The following ACP3 variants were observed in gnomAD, a reference collection of about 807,000 sequenced individuals.
ACP3 encodes prostatic acid phosphatase.
ACP3 carries 38 observed loss-of-function variants against 45.6 expected under a neutral mutation model. The observed-to-expected ratio is 0.83, with a 90% CI of 0.64 to 1.09. ACP3 has a LOEUF of 1.09. ACP3 is among the 50% of genes least tolerant of loss of function. The pLI is 0.00. For synonymous variants in ACP3, 162 were observed against 164.7 expected (o/e 0.98, Z 0.13); for missense variants, 466 against 463.2 (o/e 1.01, Z -0.05).
chr3:132,321,759 G>A (rs1365446615), intron 1 of ACP3, among the ~76,000 whole-genome samples: 1 of 152,186 alleles, frequency 6.6e-6, no homozygotes, highest in Non-Finnish European at 1.5e-5. Flanking sequence ...ATGTCTCGAA[G>A]GAGAGTGCTG....
At chr3:132,332,695 G>T (rs1387113379) in intron 4 of ACP3, 1 of 205,288 alleles carries the variant, frequency 4.9e-6, no homozygotes, top group Non-Finnish European at 9.9e-6. Context: ...GCCCCAAACA[G>T]GTTTCTCCAC....
intron 7 of ACP3, among the ~76,000 whole-genome samples, chr3:132,348,169 T>C (rs979277329): frequency 2.6e-5 from 4 of 152,224 alleles, no homozygotes; most frequent in African/African-American, 9.7e-5. Flanking sequence ...TGCCAACCTC[T>C]GCTGTAGACT....
chr3:132,350,557 G>A (rs760017005), intron 8 of ACP3, among the ~76,000 whole-genome samples: 4 of 152,098 alleles, frequency 2.6e-5, no homozygotes, highest in South Asian at 2.1e-4. Flanking sequence ...TAAGTCCCTC[G>A]GTTGTATTAG....
At chr3:132,323,390 G>T (rs309991) in intron 1 of ACP3, among the ~76,000 whole-genome samples, 52,241 of 151,944 alleles carry the variant, frequency 0.34, 9,093 homozygotes, top group Admixed American at 0.41. Flanking sequence ...CAAGGCTTCT[G>T]CTTTCAAGGA....
intron 5 of ACP3, among the ~76,000 whole-genome samples, chr3:132,340,315 C>CA (rs77702139): frequency 0.012 from 920 of 77,274 alleles, 8 homozygotes; most frequent in African/African-American, 0.039. Context: ...AATTCCGTCT[C>CA]AAAAAAAAAA....
intron 10 of ACP3, chr3:132,367,641 T>A (rs2107826368): frequency 3.1e-6 from 4 of 1,302,890 alleles, no homozygotes; most frequent in Non-Finnish European, 4.4e-6. Flanking sequence ...AACACTCACA[T>A]GTGATCTTCC....
intron 6 of ACP3, among the ~76,000 whole-genome samples, chr3:132,344,315 A>G (rs898626107): frequency 2.0e-5 from 3 of 150,386 alleles, no homozygotes; most frequent in Non-Finnish European, 4.4e-5. Context: ...GTGTGGTGGC[A>G]TGCACCTATA....
chr3:132,349,453 G>A (rs1212006626), intron 7 of ACP3, among the ~76,000 whole-genome samples: 3 of 152,190 alleles, frequency 2.0e-5, no homozygotes, highest in Non-Finnish European at 4.4e-5. Flanking sequence ...CCAGAGAGTA[G>A]AAGCAAGAGG....
intron 9 of ACP3, among the ~76,000 whole-genome samples, chr3:132,354,136 G>C (rs1250652417): frequency 1.3e-5 from 2 of 152,142 alleles, no homozygotes; most frequent in African/African-American, 4.8e-5. Context: ...AACAAGCCCG[G>C]CACAAGTCTG....
At position 132,344,858 on chromosome 3, in the gene ACP3, A is replaced by G. The variant is rs1576420547; in HGVS notation, c.649-69A>G. 5.1e-6 allele frequency: 8 copies of G among 1,555,830 alleles called. No individual in the cohort carries two copies. In the South Asian group the frequency reaches 8.4e-5, roughly 16 times the overall value. On this transcript the variant is annotated intron_variant, in intron 6 of 9. Coordinates refer to ENST00000336375, the MANE Select transcript of ACP3 (RefSeq NM_001099.5). ...CCTACTAGTTCTTGTGAGGTGAAAA[A>G]GGATAAGTCAACAAAGAGGACAGTC...
In ACP3 at chr3:132,356,807, A is replaced by G; in HGVS notation, c.1090A>G (p.Ile364Val). Residue 364 changes from isoleucine (I) to valine (V), a missense_variant, in exon 10 of 10, where the codon ATC becomes GTC. Physicochemically the swap from Ile to Val is conservative, Grantham distance 29. Coordinates refer to ENST00000336375, the MANE Select transcript of ACP3 (RefSeq NM_001099.5). ...GTTTGCTGAGCTGGTTGGCCCTGTG[A>G]TCCCTCAAGACTGGTCCACGGAGTG... ...ERFAELVGPV[I>V]PQDWSTECMT... is the part of the protein sequence containing the mutation. The G allele has an allele frequency of 6.2e-7, 1 of 1,614,120 alleles. No individual in the cohort carries two copies. Among genetic ancestry groups the G allele is most frequent in the Non-Finnish European group, 8.5e-7 (1 of 1,180,038 alleles).
chr3:132,333,742 G>A (rs1485148325), intron 4 of ACP3, among the ~76,000 whole-genome samples: 8 of 151,828 alleles, frequency 5.3e-5, no homozygotes, highest in African/African-American at 1.9e-4. Context: ...ATTCCAAAAA[G>A]AAAAAAAATC....
chr3:132,344,867 C>G (rs1559837786), intron 6 of ACP3, 60 bp from the exon 7 acceptor site: 1 of 1,579,552 alleles, frequency 6.3e-7, no homozygotes, highest in Non-Finnish European at 8.6e-7. Flanking sequence ...AAGGATAAGT[C>G]AACAAAGAGG....
intron 1 of ACP3, among the ~76,000 whole-genome samples, chr3:132,320,949 C>T (rs1455888394): frequency 6.6e-6 from 1 of 152,146 alleles, no homozygotes; most frequent in Non-Finnish European, 1.5e-5. Context: ...CTGCGCCTGG[C>T]ATAATATGAT....
intron 2 of ACP3, among the ~76,000 whole-genome samples, chr3:132,330,008 T>G (rs1234577110): frequency 6.8e-6 from 1 of 146,082 alleles, no homozygotes; most frequent in Non-Finnish European, 1.5e-5. Context: ...AGCCTCTGCC[T>G]CCCAGATTCA....
downstream of ACP3, among the ~76,000 whole-genome samples, chr3:132,359,167 G>A (rs983867398): frequency 6.6e-6 from 1 of 152,182 alleles, no homozygotes; most frequent in Non-Finnish European, 1.5e-5. Context: ...AGTAGGGGAA[G>A]TAAGGAAGGT....
chr3:132,345,356 T>A (rs140591535), intron 7 of ACP3, among the ~76,000 whole-genome samples: 12 of 152,330 alleles, frequency 7.9e-5, no homozygotes, highest in Middle Eastern at 3.4e-3. Context: ...GCCCTTAGTT[T>A]TCTATCTGGA....
intron 5 of ACP3, among the ~76,000 whole-genome samples, chr3:132,342,335 A>G (rs1320277914): frequency 6.6e-6 from 1 of 152,238 alleles, no homozygotes; most frequent in African/African-American, 2.4e-5. Context: ...TTTGCCTCAC[A>G]AGGAACATTT....
downstream of ACP3, among the ~76,000 whole-genome samples, chr3:132,360,064 G>A (rs941223033): frequency 6.6e-6 from 1 of 152,096 alleles, no homozygotes; most frequent in African/African-American, 2.4e-5. Context: ...GGGATGCTAG[G>A]GGCAGCAGGT....
Sources: allele counts gnomAD v4.1 joint callset (sites outside exome capture counted in the v4.1 genomes callset), GRCh38; gene constraint gnomAD v4.1.1; transcripts MANE v1.5; gene names NCBI Gene and HGNC (gene_info 2026-07-23, HGNC 2026-07-21).